Variants in CDK17 observed in about 807,000 individuals in gnomAD.
CDK17 encodes the protein cyclin dependent kinase 17.
A neutral mutation model predicts 77.6 loss-of-function variants in CDK17; 24 were observed. The observed-to-expected ratio is 0.31, with a 90% confidence interval of 0.22 to 0.44. The LOEUF is 0.44. Ranked by LOEUF, CDK17 falls within the 20% of genes least tolerant of loss-of-function variation. CDK17 has a pLI of 1.00. For missense variants in CDK17, 429 were observed against 622.5 expected, an observed-to-expected ratio of 0.69 and a Z score of 3.31; for synonymous variants, 203 against 210.4, an observed-to-expected ratio of 0.96 and a Z score of 0.30.
chr12:96,323,489 T>A (rs916634209), intron 3 of CDK17, among the ~76,000 whole-genome samples: 3 of 151,652 alleles, frequency 2.0e-5, no homozygotes, highest in African/African-American at 7.3e-5. Flanking sequence ...AATAAAAACA[T>A]AAGGCATCAT....
chr12:96,353,772 AT>A (rs1430567514), intron 1 of CDK17, among the ~76,000 whole-genome samples: 1 of 152,190 alleles, frequency 6.6e-6, no homozygotes, highest in African/African-American at 2.4e-5. Context: ...AACATTAATA[AT>A]TCAATAAGAA....
In CDK17 at chr12:96,278,432, A is replaced by G. The variant is rs983619964; in HGVS notation, c.*1810T>C. 1.3e-5 allele frequency: 2 copies of G among 152,290 alleles called. No homozygotes were observed. Among genetic ancestry groups the G allele is most frequent in the Non-Finnish European group, 1.5e-5 (1 of 67,994 alleles). 9.4% of individuals were successfully genotyped at this position (152,290 alleles called of 1,614,324 possible). A position where few individuals can be genotyped will look rare whatever the true frequency, so the allele number is the denominator to read the frequency against. ...TAAGCAAATGATTGGCACAAACAGA[A>G]AACAATAACACCTCTAGCACAGTGA... On this transcript the variant is annotated 3_prime_UTR_variant, in exon 17 of 17. Transcript: ENST00000261211.
At chr12:96,294,584 C>CAAAAAAAAAAAAAAAA (rs11313631) in intron 10 of CDK17, among the ~76,000 whole-genome samples, 1 of 54,348 alleles carries the variant, frequency 1.8e-5, no homozygotes, top group Non-Finnish European at 3.1e-5. Context: ...ATGCTGTCTT[C>CAAAAAAAAAAAAAAAA]AAAAAAAAAA....
intron 2 of CDK17, among the ~76,000 whole-genome samples, chr12:96,332,121 AC>A (rs1404734078): frequency 6.6e-6 from 1 of 152,184 alleles, no homozygotes; most frequent in East Asian, 1.9e-4. Context: ...TGTTACAACT[AC>A]CTACAGTATT....
chr12:96,375,510 C>CTTTTTT (rs34451499), intron 1 of CDK17, among the ~76,000 whole-genome samples: 1 of 101,590 alleles, frequency 9.8e-6, no homozygotes. Context: ...TGATCCTAAC[C>CTTTTTT]TTTTTTTTTT....
chr12:96,380,086 CT>C (rs1403319620), intron 1 of CDK17, among the ~76,000 whole-genome samples: 3 of 151,180 alleles, frequency 2.0e-5, no homozygotes, highest in African/African-American at 7.3e-5. Flanking sequence ...GGAGGATCAC[CT>C]GAACCCAGGA....
intron 1 of CDK17, 59 bp downstream of exon 1, chr12:96,399,927 C>T: frequency 2.8e-6 from 1 of 353,944 alleles, no homozygotes; most frequent in African/African-American, 2.1e-5. Context: ...AGCCTCCCGG[C>T]CCCGCGGCCG....
chr12:96,399,277 A>C (rs1453014554), intron 1 of CDK17: 1 of 152,624 alleles, frequency 6.6e-6, no homozygotes, highest in Non-Finnish European at 1.5e-5. Context: ...CGGAGACAGC[A>C]CTAGGCACCC....
chr12:96,286,759 C>A lies in CDK17; in HGVS notation c.1121G>T (p.Gly374Val), dbSNP rs1392298554. ...SEYSTQIDMW[G>V]VGCIFFEMAS... ...CATTTCAAAGAAAATGCAACCAACA[C>A]CCCTTTAAAATAGATCATGAAAATA... The change falls in exon 12 of 17, where the codon GGT becomes GTT. Residue 374 changes from glycine (G) to valine (V), a missense_variant and splice_region_variant. Physicochemically the swap from Gly to Val is moderately radical, Grantham distance 109. This residue lies in a region of CDK17 where 51 missense variants were observed against 96.5 expected (regional missense o/e 0.53). Transcript: ENST00000261211. 1 of 1,604,342 alleles carries A rather than the reference C, an allele frequency of 6.2e-7. No homozygotes were observed. The highest frequency in any genetic ancestry group is 8.5e-7 in the Non-Finnish European group (1 of 1,172,136).
chr12:96,372,397 C>G (rs7968686), intron 1 of CDK17, among the ~76,000 whole-genome samples: 9,007 of 152,086 alleles, frequency 0.059, 364 homozygotes, highest in Admixed American at 0.091. Context: ...ATAAAACTAC[C>G]ATTATCTTCA....
At chr12:96,387,956 TAATAA>T (rs1954003697) in intron 1 of CDK17, among the ~76,000 whole-genome samples, 3 of 150,868 alleles carry the variant, frequency 2.0e-5, no homozygotes, top group African/African-American at 4.9e-5. Context: ...AAAAAAATAA[TAATAA>T]AATAAAAGAG....
At chr12:96,383,120 T>A (rs1953913368) in intron 1 of CDK17, among the ~76,000 whole-genome samples, 1 of 152,064 alleles carries the variant, frequency 6.6e-6, no homozygotes, top group Non-Finnish European at 1.5e-5. Flanking sequence ...TATTACAACA[T>A]TCTAGCTGAG....
chr12:96,373,786 G>GGT (rs2137212873), intron 1 of CDK17, among the ~76,000 whole-genome samples: 1 of 152,144 alleles, frequency 6.6e-6, no homozygotes, highest in African/African-American at 2.4e-5. Context: ...TGGGCGTGGT[G>GGT]GTGTGCCCCT....
At chr12:96,362,509 A>G (rs1953508844) in intron 1 of CDK17, among the ~76,000 whole-genome samples, 1 of 152,174 alleles carries the variant, frequency 6.6e-6, no homozygotes, top group Non-Finnish European at 1.5e-5. Context: ...ATGAGCCACC[A>G]TGCCCAGCCT....
chr12:96,390,245 A>G (rs12228398), intron 1 of CDK17, among the ~76,000 whole-genome samples: 94,305 of 148,898 alleles, frequency 0.63, 30,541 homozygotes, highest in East Asian at 0.83. Flanking sequence ...TCCACCTCCC[A>G]GGTTCGAGTG....
At chr12:96,305,245 T>C (rs1394583141) in intron 5 of CDK17, among the ~76,000 whole-genome samples, 1 of 152,180 alleles carries the variant, frequency 6.6e-6, no homozygotes, top group African/African-American at 2.4e-5. Flanking sequence ...TAACATGACA[T>C]ATGATCACTA....
At chr12:96,294,718 A>C (rs1442142328) in intron 10 of CDK17, among the ~76,000 whole-genome samples, 1 of 152,088 alleles carries the variant, frequency 6.6e-6, no homozygotes, top group African/African-American at 2.4e-5. Flanking sequence ...CAGATGGTAC[A>C]ATTTTGGTAA....
chr12:96,388,490 G>A (rs933641902), intron 1 of CDK17, among the ~76,000 whole-genome samples: 1 of 152,124 alleles, frequency 6.6e-6, no homozygotes, highest in African/African-American at 2.4e-5. Context: ...GGGAGTAGAG[G>A]CATATTAGAA....
At chr12:96,357,707 T>C (rs2137182751) in intron 1 of CDK17, among the ~76,000 whole-genome samples, 1 of 152,280 alleles carries the variant, frequency 6.6e-6, no homozygotes, top group South Asian at 2.1e-4. Flanking sequence ...TGCCCTACCT[T>C]CTCTGTGAGA....
Sources: allele counts gnomAD v4.1 joint callset (sites outside exome capture counted in the v4.1 genomes callset), GRCh38; gene constraint gnomAD v4.1.1; regional missense constraint gnomAD v4.1.1; transcripts MANE v1.5; gene names NCBI Gene and HGNC (gene_info 2026-07-23, HGNC 2026-07-21).